The following CATSPERB variants were observed in gnomAD, a reference collection of about 807,000 sequenced individuals.
CATSPERB encodes the protein catsper channel auxiliary subunit beta.
Under a neutral mutation model 128.3 loss-of-function variants are expected in CATSPERB, and 93 were observed. That is an observed-to-expected ratio of 0.72 (90% CI 0.61 to 0.86). The LOEUF is 0.86. CATSPERB is among the 40% of genes least tolerant of loss of function. The pLI is 0.00. For missense variants in CATSPERB, 1,153 were observed against 1,329.5 expected, an observed-to-expected ratio of 0.87 and a Z score of 2.06; for synonymous variants, 381 against 448.8, an observed-to-expected ratio of 0.85 and a Z score of 1.91.
chr14:91,669,928 A>G lies in CATSPERB; in HGVS notation c.1173T>C (p.Asn391=). ...GAAATTTTGATTGTGAATTTGGTTC[A>G]TTATTTCTCAGGGTGCTCACAGAGG... The part of the protein sequence containing the change: ...AIASVSTLRN[N]EPNSQSKFPI... Residue 391 remains asparagine, a synonymous_variant, in exon 14 of 27, where the codon AAT becomes AAC. Transcript: ENST00000256343. The G allele has an allele frequency of 6.2e-7, 1 of 1,613,566 alleles. No homozygotes were observed. The highest frequency in any genetic ancestry group is 8.5e-7 in the Non-Finnish European group (1 of 1,179,846).
At chr14:91,592,911 C>T (rs906218866) in intron 22 of CATSPERB, among the ~76,000 whole-genome samples, 10 of 152,174 alleles carry the variant, frequency 6.6e-5, no homozygotes, top group African/African-American at 9.7e-5. Context: ...TTTTGTTGGC[C>T]GGGCACAGGG....
At chr14:91,698,079 T>C (rs541878330) in intron 7 of CATSPERB, among the ~76,000 whole-genome samples, 4 of 152,226 alleles carry the variant, frequency 2.6e-5, no homozygotes, top group African/African-American at 9.6e-5. Context: ...CTCCTCCTTG[T>C]AGAGATCTTT....
At chr14:91,652,352 C>T (rs1361719517) in intron 15 of CATSPERB, among the ~76,000 whole-genome samples, 2 of 151,898 alleles carry the variant, frequency 1.3e-5, no homozygotes, top group South Asian at 2.1e-4. Context: ...CTCATGCAAA[C>T]TAAATCTTCA....
chr14:91,624,791 T>G, intron 18 of CATSPERB, 29 bp downstream of exon 18: 1 of 1,477,080 alleles, frequency 6.8e-7, no homozygotes, highest in Non-Finnish European at 9.1e-7. Flanking sequence ...TTTCTAGCCA[T>G]CAGAGATGTA....
chr14:91,667,668 C>G (rs1595171511), intron 14 of CATSPERB, among the ~76,000 whole-genome samples: 2 of 152,204 alleles, frequency 1.3e-5, no homozygotes, highest in African/African-American at 4.8e-5. Flanking sequence ...AGGCCTAGAC[C>G]TCCTCACTGC....
chr14:91,668,529 G>A (rs1266008704), intron 14 of CATSPERB, among the ~76,000 whole-genome samples: 1 of 152,172 alleles, frequency 6.6e-6, no homozygotes, highest in Admixed American at 6.5e-5. Context: ...ATAAAAGCTG[G>A]CCACCCGAGC....
intron 10 of CATSPERB, 74 bp from the exon 11 acceptor site, chr14:91,684,017 C>G: frequency 9.2e-7 from 1 of 1,086,170 alleles, no homozygotes; most frequent in Non-Finnish European, 1.3e-6. Flanking sequence ...ATAGAAAAAA[C>G]TAAAAAATTT....
At chr14:91,593,541 C>T (rs1398797820) in intron 22 of CATSPERB, among the ~76,000 whole-genome samples, 2 of 152,182 alleles carry the variant, frequency 1.3e-5, no homozygotes, top group African/African-American at 4.8e-5. Context: ...ATCCTATAAC[C>T]CCTTGGTTTT....
At chr14:91,675,686 A>T (rs1037918677) in intron 11 of CATSPERB, among the ~76,000 whole-genome samples, 2 of 152,178 alleles carry the variant, frequency 1.3e-5, no homozygotes, top group African/African-American at 2.4e-5. Flanking sequence ...TATGTGATCT[A>T]CATTTGGGCC....
intron 7 of CATSPERB, among the ~76,000 whole-genome samples, chr14:91,701,071 CT>C (rs1895639167): frequency 6.6e-6 from 1 of 152,066 alleles, no homozygotes. Context: ...AAGCTAGGTA[CT>C]GCATGGATCA....
intron 10 of CATSPERB, among the ~76,000 whole-genome samples, chr14:91,690,281 T>C (rs726795): frequency 0.48 from 72,818 of 151,992 alleles, 17,800 homozygotes; most frequent in East Asian, 0.61. Flanking sequence ...GCGTGGGCTA[T>C]CGCGCCTGGC....
At position 91,588,002 on chromosome 14, in the gene CATSPERB, A is replaced by G. The variant is rs754993660; in HGVS notation, c.3033T>C (p.Pro1011=). Residue 1011 remains proline, a synonymous_variant, in exon 25 of 27, where the codon CCT becomes CCC. Coordinates refer to ENST00000256343, the MANE Select transcript of CATSPERB (RefSeq NM_024764.4). ...EPILGAAVYN[P]SGLNLSIKGS... ...CCTTTATGCTTAAGTTGAGACCTGA[A>G]GGATTATACACTGCAGCACCAAGAA... is the stretch of plus-strand genomic sequence containing the variant. 5 of 1,610,556 alleles carry G rather than the reference A, an allele frequency of 3.1e-6. No homozygotes were observed. In the Admixed American group the frequency reaches 8.4e-5, roughly 27 times the overall value.
intron 22 of CATSPERB, chr14:91,603,386 A>G: frequency 6.2e-7 from 1 of 1,610,080 alleles, no homozygotes. Flanking sequence ...CAACAGCCTC[A>G]ATATTAAAGG....
intron 5 of CATSPERB, among the ~76,000 whole-genome samples, chr14:91,713,504 T>A (rs1895878181): frequency 6.6e-6 from 1 of 152,136 alleles, no homozygotes; most frequent in Non-Finnish European, 1.5e-5. Flanking sequence ...CTACAGACAC[T>A]ATAGATATTC....
At chr14:91,601,794 T>C (rs947903876) in intron 22 of CATSPERB, among the ~76,000 whole-genome samples, 1 of 152,086 alleles carries the variant, frequency 6.6e-6, no homozygotes, top group African/African-American at 2.4e-5. Context: ...CAAAAATATA[T>C]AAAGTTAGGG....
chr14:91,659,832 CT>C lies in CATSPERB; in HGVS notation c.1432+4del. The C allele has an allele frequency of 6.2e-7, 1 of 1,600,632 alleles. No individual in the cohort carries two copies. The highest frequency in any genetic ancestry group is 1.1e-5 in the South Asian group (1 of 88,022). On this transcript the variant is annotated splice_donor_region_variant and intron_variant, in intron 15 of 26. Coordinates refer to ENST00000256343, the MANE Select transcript of CATSPERB (RefSeq NM_024764.4). ...TGCTTACACCAGTGAAAGCAAATTT[CT>C]TACCTGCCTTTGTCGAGTAAACCTT...
At chr14:91,681,836 T>C (rs1482823592) in intron 11 of CATSPERB, among the ~76,000 whole-genome samples, 1 of 152,174 alleles carries the variant, frequency 6.6e-6, no homozygotes, top group Non-Finnish European at 1.5e-5. Context: ...CCTGGATACA[T>C]CACACTCAGG....
chr14:91,701,924 A>C (rs1435184474), intron 7 of CATSPERB, among the ~76,000 whole-genome samples: 1 of 152,020 alleles, frequency 6.6e-6, no homozygotes, highest in Non-Finnish European at 1.5e-5. Context: ...AAAAAAAAAA[A>C]AAATTGCTGA....
chr14:91,711,985 A>T (rs1895847576), intron 5 of CATSPERB, among the ~76,000 whole-genome samples: 1 of 152,226 alleles, frequency 6.6e-6, no homozygotes, highest in East Asian at 1.9e-4. Flanking sequence ...TATCAAAGAG[A>T]AAGTGCTGTG....
Sources: gnomAD v4.1 joint callset for allele counts (sites outside exome capture counted in the v4.1 genomes callset) on GRCh38, gnomAD v4.1.1 for gene constraint, MANE v1.5 for transcripts, NCBI Gene and HGNC (gene_info 2026-07-23, HGNC 2026-07-21) for gene names.